HECW2: variants seen among roughly 807,000 people sequenced by gnomAD.
The protein encoded by HECW2 is HECT, C2 and WW domain containing E3 ubiquitin protein ligase 2.
In HECW2, 61 loss-of-function variants were observed where a neutral mutation model predicts 175.2. That is an observed-to-expected ratio of 0.35 (90% CI 0.28 to 0.43). The LOEUF is 0.43. Ranked by LOEUF, HECW2 falls within the 20% of genes least tolerant of loss-of-function variation. The pLI is 1.00. For missense variants in HECW2, 1,524 were observed against 2,000.5 expected, an observed-to-expected ratio of 0.76 and a Z score of 4.54; for synonymous variants, 671 against 731.0, an observed-to-expected ratio of 0.92 and a Z score of 1.32.
intron 10 of HECW2, among the ~76,000 whole-genome samples, chr2:196,312,131 G>A (rs1205057658): frequency 2.0e-5 from 3 of 152,048 alleles, no homozygotes; most frequent in African/African-American, 4.8e-5. Flanking sequence ...ATCAGACCTC[G>A]GTCTCCACTG....
chr2:196,463,917 G>A (rs1418582926), intron 1 of HECW2, among the ~76,000 whole-genome samples: 1 of 152,056 alleles, frequency 6.6e-6, no homozygotes, highest in East Asian at 1.9e-4. Context: ...TTCATACAAA[G>A]GAACTGAAAG....
chr2:196,240,312 C>T (rs1392314687), intron 21 of HECW2, 137 bp downstream of exon 21: 14 of 470,416 alleles, frequency 3.0e-5, no homozygotes, highest in Non-Finnish European at 4.5e-5. Flanking sequence ...AAAAAAAAAG[C>T]CCAAAGGTTT....
chr2:196,270,385 G>A (rs1689682769), intron 17 of HECW2, among the ~76,000 whole-genome samples: 1 of 152,186 alleles, frequency 6.6e-6, no homozygotes, highest in African/African-American at 2.4e-5. Flanking sequence ...AACTGGGCTT[G>A]AGAAATGATG....
At chr2:196,497,489 G>A (rs1295490515) in intron 1 of HECW2, among the ~76,000 whole-genome samples, 1 of 152,144 alleles carries the variant, frequency 6.6e-6, no homozygotes, top group Non-Finnish European at 1.5e-5. Context: ...TGAATTATAA[G>A]ACCAGTATTA....
intron 1 of HECW2, among the ~76,000 whole-genome samples, chr2:196,569,556 C>T (rs1281850264): frequency 6.6e-6 from 1 of 152,122 alleles, no homozygotes; most frequent in East Asian, 1.9e-4. Flanking sequence ...TATCTTCCTG[C>T]TAAGACAGGG....
At chr2:196,530,749 A>C (rs1276551275) in intron 1 of HECW2, among the ~76,000 whole-genome samples, 1 of 152,190 alleles carries the variant, frequency 6.6e-6, no homozygotes, top group African/African-American at 2.4e-5. Context: ...GACCCTATGG[A>C]GGTATCCACT....
At chr2:196,498,852 T>G (rs1224721478) in intron 1 of HECW2, among the ~76,000 whole-genome samples, 1 of 152,204 alleles carries the variant, frequency 6.6e-6, no homozygotes, top group Non-Finnish European at 1.5e-5. Context: ...ACATCCCTAC[T>G]GTAAAATCTA....
intron 2 of HECW2, among the ~76,000 whole-genome samples, chr2:196,357,395 T>C (rs368638590): frequency 1.1e-4 from 16 of 152,292 alleles, no homozygotes; most frequent in African/African-American, 3.9e-4. Flanking sequence ...GTAATTTCAC[T>C]GTCTACCTCC....
chr2:196,567,660 C>T (rs924043138), intron 1 of HECW2, among the ~76,000 whole-genome samples: 1 of 152,138 alleles, frequency 6.6e-6, no homozygotes, highest in Admixed American at 6.5e-5. Context: ...ATATATTCAA[C>T]CAGAATTAAT....
intron 3 of HECW2, among the ~76,000 whole-genome samples, chr2:196,337,563 A>C (rs1351823611): frequency 5.0e-5 from 2 of 40,198 alleles, no homozygotes; most frequent in Non-Finnish European, 1.7e-4. Context: ...ATTATGGGAA[A>C]AAAATAAAAA....
intron 18 of HECW2, among the ~76,000 whole-genome samples, chr2:196,255,699 G>T (rs1391134600): frequency 5.3e-5 from 8 of 152,148 alleles, no homozygotes; most frequent in Admixed American, 3.3e-4. Context: ...TAGACACAAA[G>T]GCTTCCATTA....
At chr2:196,585,211 A>G (rs991083308) in intron 1 of HECW2, among the ~76,000 whole-genome samples, 1 of 152,192 alleles carries the variant, frequency 6.6e-6, no homozygotes, top group Non-Finnish European at 1.5e-5. Flanking sequence ...ATTTATTCAT[A>G]TATGTGTGGC....
At chr2:196,590,636 A>G (rs1691156098) in intron 1 of HECW2, among the ~76,000 whole-genome samples, 1 of 152,238 alleles carries the variant, frequency 6.6e-6, no homozygotes, top group South Asian at 2.1e-4. Context: ...CTTAACAAGC[A>G]TTTTGAATGC....
At chr2:196,566,668 G>C (rs1327703384) in intron 1 of HECW2, among the ~76,000 whole-genome samples, 1 of 149,710 alleles carries the variant, frequency 6.7e-6, no homozygotes, top group Non-Finnish European at 1.5e-5. Flanking sequence ...GAGTAGCCAG[G>C]ACTACAGGTG....
At chr2:196,370,172 T>C (rs1693867141) in intron 2 of HECW2, among the ~76,000 whole-genome samples, 2 of 152,016 alleles carry the variant, frequency 1.3e-5, no homozygotes, top group African/African-American at 4.8e-5. Context: ...GCAAGGCCCA[T>C]GGTGAGTACT....
chr2:196,487,771 T>C (rs574623370), intron 1 of HECW2, among the ~76,000 whole-genome samples: 24 of 152,354 alleles, frequency 1.6e-4, no homozygotes, highest in Admixed American at 3.9e-4. Context: ...GTTGTTAAGA[T>C]GAAATTTCCA....
intron 1 of HECW2, among the ~76,000 whole-genome samples, chr2:196,465,163 A>G (rs1328649186): frequency 6.6e-6 from 1 of 152,186 alleles, no homozygotes; most frequent in Non-Finnish European, 1.5e-5. Flanking sequence ...AGAGTAAAGT[A>G]TTTTATTTCT....
At chr2:196,567,373 A>C (rs771526623) in intron 1 of HECW2, among the ~76,000 whole-genome samples, 2 of 152,222 alleles carry the variant, frequency 1.3e-5, no homozygotes, top group Non-Finnish European at 2.9e-5. Context: ...TATCCAAACA[A>C]TCATAGAAAC....
At chr2:196,571,670 C>T (rs538190068) in intron 1 of HECW2, among the ~76,000 whole-genome samples, 10 of 151,944 alleles carry the variant, frequency 6.6e-5, no homozygotes, top group African/African-American at 9.7e-5. Context: ...TACTGCACTC[C>T]GGCCTGGGCA....
Sources: gnomAD v4.1 joint callset for allele counts (sites outside exome capture counted in the v4.1 genomes callset) on GRCh38, gnomAD v4.1.1 for gene constraint, MANE v1.5 for transcripts, NCBI Gene and HGNC (gene_info 2026-07-23, HGNC 2026-07-21) for gene names.